Variants in UNC13C observed in about 807,000 individuals in gnomAD.
The protein encoded by UNC13C is protein unc-13 homolog C.
Under a neutral mutation model 245.4 loss-of-function variants are expected in UNC13C, and 174 were observed. That is an observed-to-expected ratio of 0.71 (90% CI 0.63 to 0.80). The LOEUF is 0.80. Among genes scored for constraint, UNC13C ranks in the 30% least tolerant of loss-of-function variants. The probability of loss-of-function intolerance (pLI) is 0.00; values close to 1 mark genes in which losing one functional copy is unlikely to be tolerated. For missense variants in UNC13C, 2,829 were observed against 2,602.9 expected, an observed-to-expected ratio of 1.09 and a Z score of -1.89; for synonymous variants, 992 against 895.1, an observed-to-expected ratio of 1.11 and a Z score of -1.93.
At chr15:53,916,870 G>T in the UNC13C span, among the ~76,000 whole-genome samples, 1 of 152,192 alleles carries the variant, frequency 6.6e-6, no homozygotes, top group East Asian at 1.9e-4. Flanking sequence ...CTGAAGCTGG[G>T]ATGCTGTCAG....
intron 23 of UNC13C, among the ~76,000 whole-genome samples, chr15:54,511,017 G>A (rs1042593974): frequency 6.6e-6 from 1 of 152,120 alleles, no homozygotes; most frequent in Non-Finnish European, 1.5e-5. Flanking sequence ...CATTTTCTAA[G>A]CATGTATTAT....
chr15:53,854,319 C>G, the UNC13C span, among the ~76,000 whole-genome samples: 1 of 151,626 alleles, frequency 6.6e-6, no homozygotes, highest in African/African-American at 2.4e-5. Context: ...CAGGGTTTCA[C>G]CATGTTGGTC....
chr15:54,551,787 C>T (rs1896745006), intron 28 of UNC13C, among the ~76,000 whole-genome samples: 1 of 151,730 alleles, frequency 6.6e-6, no homozygotes, highest in Non-Finnish European at 1.5e-5. Flanking sequence ...AATTATCAGT[C>T]CATTTAGTTA....
intron 19 of UNC13C, among the ~76,000 whole-genome samples, chr15:54,459,482 A>G (rs1435544083): frequency 6.6e-6 from 1 of 152,166 alleles, no homozygotes; most frequent in Non-Finnish European, 1.5e-5. Flanking sequence ...TATTCCCTCA[A>G]ATAAGTTTTC....
intron 1 of UNC13C, among the ~76,000 whole-genome samples, chr15:53,994,221 A>G (rs1382226): frequency 0.5 from 66,632 of 133,672 alleles, 18,148 homozygotes; most frequent in Admixed American, 0.65. Context: ...ACTGGACTTG[A>G]TATTTAAATT....
At chr15:54,334,839 A>T (rs2038531482) in intron 16 of UNC13C, among the ~76,000 whole-genome samples, 1 of 152,098 alleles carries the variant, frequency 6.6e-6, no homozygotes, top group African/African-American at 2.4e-5. Flanking sequence ...AGGAGTGAGG[A>T]ATGGGAGTGA....
Position 54,426,513 on chromosome 15 carries a change from G to A in UNC13C, c.4933+11446G>A, listed in dbSNP as rs534443570. Among the ~76,000 whole-genome samples, 4 of 151,236 alleles carry A rather than the reference G, an allele frequency of 2.6e-5. No individual in the cohort carries two copies. The Admixed American group carries it at 2.6e-4, about 10-fold the overall frequency. On this transcript the variant is annotated intron_variant, in intron 19 of 32. Transcript: ENST00000260323. The stretch of plus-strand genomic sequence containing the variant: ...CTGAAAACAAAAAAAAATAAAAGTT[G>A]TAATCTCTTATAACCCAATCACAGA...
At chr15:53,976,477 C>CTTTCTTTTTTTT (rs1893706052), upstream of UNC13C, among the ~76,000 whole-genome samples, 1 of 63,024 alleles carries the variant, frequency 1.6e-5, no homozygotes, top group African/African-American at 5.8e-5. Context: ...CTCTCTCTCT[C>CTTTCTTTTTTTT]TTTTTTTTTT....
chr15:54,566,890 C>G (rs1897538903), intron 29 of UNC13C, among the ~76,000 whole-genome samples: 2 of 152,218 alleles, frequency 1.3e-5, no homozygotes, highest in South Asian at 4.1e-4. Context: ...TTATAGATCA[C>G]AGTGAGCCAC....
chr15:54,270,426 G>T (rs551827235), intron 10 of UNC13C, among the ~76,000 whole-genome samples: 1 of 152,174 alleles, frequency 6.6e-6, no homozygotes, highest in African/African-American at 2.4e-5. Flanking sequence ...GAAAAATAGG[G>T]ATAATAATAC....
the UNC13C span, among the ~76,000 whole-genome samples, chr15:53,954,451 A>G: frequency 1.3e-5 from 2 of 152,240 alleles, no homozygotes; most frequent in Non-Finnish European, 2.9e-5. Flanking sequence ...AAAGAAAACT[A>G]AAGTCCAAGA....
At chr15:54,158,975 C>G (rs2032864860) in intron 4 of UNC13C, among the ~76,000 whole-genome samples, 3 of 152,158 alleles carry the variant, frequency 2.0e-5, no homozygotes, top group Admixed American at 6.5e-5. Context: ...ATCTCCTCAG[C>G]TGAGACCAGC....
At chr15:54,051,499 A>T (rs1014513856) in intron 2 of UNC13C, among the ~76,000 whole-genome samples, 2 of 152,020 alleles carry the variant, frequency 1.3e-5, no homozygotes, top group African/African-American at 4.8e-5. Flanking sequence ...GTACTATATC[A>T]CAGTCTTTCA....
At chr15:53,975,805 G>A (rs2725585), upstream of UNC13C, among the ~76,000 whole-genome samples, 67,125 of 151,998 alleles carry the variant, frequency 0.44, 15,240 homozygotes, top group East Asian at 0.61. Flanking sequence ...TATTCTTTCT[G>A]AAATGACTGC....
intron 1 of UNC13C, among the ~76,000 whole-genome samples, chr15:53,985,182 G>A (rs1894082231): frequency 6.6e-6 from 1 of 151,930 alleles, no homozygotes; most frequent in Non-Finnish European, 1.5e-5. Context: ...CCACTTATGA[G>A]TGAGAGCATG....
intron 10 of UNC13C, among the ~76,000 whole-genome samples, chr15:54,282,958 G>A (rs1200896246): frequency 1.3e-5 from 2 of 152,108 alleles, no homozygotes; most frequent in Non-Finnish European, 2.9e-5. Flanking sequence ...ATGCTGACTG[G>A]TTTGTGAGTA....
intron 19 of UNC13C, among the ~76,000 whole-genome samples, chr15:54,462,027 C>T (rs1233410988): frequency 6.6e-6 from 1 of 152,072 alleles, no homozygotes; most frequent in Non-Finnish European, 1.5e-5. Flanking sequence ...TATGACTAGT[C>T]AGCAGAGTTG....
At chr15:54,602,031 T>G (rs1005531930) in intron 30 of UNC13C, among the ~76,000 whole-genome samples, 11 of 151,984 alleles carry the variant, frequency 7.2e-5, no homozygotes, top group African/African-American at 2.7e-4. Context: ...CCTCCTGTCT[T>G]GCCCTCGCTA....
Position 54,048,518 on chromosome 15 carries a change from A to G in UNC13C, c.2983+32632A>G, listed in dbSNP as rs193054974. The G allele has an allele frequency of 3.5e-5, 20 of 564,180 alleles. No individual in the cohort carries two copies. The East Asian group carries it at 8.1e-4, about 23-fold the overall frequency. 34.9% of individuals were successfully genotyped at this position (564,180 alleles called of 1,614,324 possible). A position where few individuals can be genotyped will look rare whatever the true frequency, so the allele number is the denominator to read the frequency against. ...CTGTATGTTTCCACTAAACCTTAGT[A>G]TGTGGGCCATTTTTTGACTCTTTAA... On this transcript the variant is annotated intron_variant, in intron 2 of 32. Transcript: ENST00000260323.
Sources: allele counts gnomAD v4.1 joint callset (sites outside exome capture counted in the v4.1 genomes callset), GRCh38; gene constraint gnomAD v4.1.1; transcripts MANE v1.5; gene names NCBI Gene and HGNC (gene_info 2026-07-23, HGNC 2026-07-21).